The following STX12 variants were observed in gnomAD, a reference collection of about 807,000 sequenced individuals.
The protein encoded by STX12 is syntaxin-12.
Under a neutral mutation model 42.2 loss-of-function variants are expected in STX12, and 17 were observed. The ratio of observed to expected loss-of-function variants is 0.40; its 90% CI spans 0.28 to 0.60. The LOEUF (loss-of-function observed/expected upper bound fraction) is 0.60. Among genes scored for constraint, STX12 ranks in the 20% least tolerant of loss-of-function variants. The pLI is 0.39. For missense variants in STX12, 297 were observed against 330.9 expected (o/e 0.90, Z 0.79); for synonymous variants, 108 against 116.7 (o/e 0.93, Z 0.48).
chr1:27,799,819 C>T (rs1467236683), intron 3 of STX12, among the ~76,000 whole-genome samples: 1 of 152,202 alleles, frequency 6.6e-6, no homozygotes, highest in Non-Finnish European at 1.5e-5. Flanking sequence ...ATGGCACGAT[C>T]TCAGCTCACT....
At chr1:27,783,724 A>G (rs1241376072) in intron 1 of STX12, among the ~76,000 whole-genome samples, 1 of 152,190 alleles carries the variant, frequency 6.6e-6, no homozygotes, top group East Asian at 1.9e-4. Flanking sequence ...TTCTAGGATT[A>G]TGTAACATTT....
Position 27,823,321 on chromosome 1 carries a change from C to G in STX12, c.*992C>G, listed in dbSNP as rs1045572731. On this transcript the variant is annotated 3_prime_UTR_variant, in exon 9 of 9. Coordinates refer to ENST00000373943, the MANE Select transcript of STX12 (RefSeq NM_177424.3). ...TTGGTTTAAAATTATTCCTGTAAAC[C>G]AACAATAAAGCAAAGAAGAGGTTCA... The G allele has an allele frequency of 6.6e-6, 1 of 152,404 alleles. No homozygotes were observed. Among genetic ancestry groups the G allele is most frequent in the Non-Finnish European group, 1.5e-5 (1 of 67,980 alleles). 9.4% of individuals were successfully genotyped at this position (152,404 alleles called of 1,614,324 possible).
At chr1:27,812,435 T>G (rs944905102) in intron 6 of STX12, among the ~76,000 whole-genome samples, 167 bp downstream of exon 6, 4 of 137,768 alleles carry the variant, frequency 2.9e-5, no homozygotes, top group East Asian at 2.1e-4. Context: ...GAACTACCGG[T>G]TTTTTTTGTT....
intron 4 of STX12, among the ~76,000 whole-genome samples, chr1:27,802,638 G>T (rs1352822017): frequency 6.6e-6 from 1 of 152,146 alleles, no homozygotes; most frequent in East Asian, 1.9e-4. Context: ...CTATGTGTGG[G>T]ATAGAAGCAA....
chr1:27,773,608 G>A (rs1380733173), intron 1 of STX12, among the ~76,000 whole-genome samples, 183 bp downstream of exon 1: 1 of 152,172 alleles, frequency 6.6e-6, no homozygotes, highest in East Asian at 1.9e-4. Flanking sequence ...TTGCCCGAGG[G>A]TCCCCGGCCC....
chr1:27,789,674 T>C lies in STX12; in HGVS notation c.188+43T>C, dbSNP rs778128220. 4.7e-6 allele frequency: 7 copies of C among 1,482,464 alleles called. No individual in the cohort carries two copies. In the South Asian group the frequency reaches 8.0e-5, roughly 17 times the overall value. 91.8% of individuals were successfully genotyped at this position (1,482,464 alleles called of 1,614,324 possible). A position where few individuals can be genotyped will look rare whatever the true frequency, so the allele number is the denominator to read the frequency against. Reference sequence around the variant, plus strand: ...AAGGTTGGGTTTTGTGAGGGCCATTTGAGGACACAGTGTCCTTGCCAGACA... The same window carrying C: ...AAGGTTGGGTTTTGTGAGGGCCATTCGAGGACACAGTGTCCTTGCCAGACA... On this transcript the variant is annotated intron_variant, in intron 2 of 8. Coordinates refer to ENST00000373943, the MANE Select transcript of STX12 (RefSeq NM_177424.3).
chr1:27,776,578 A>G (rs1354130957), intron 1 of STX12, among the ~76,000 whole-genome samples: 1 of 152,078 alleles, frequency 6.6e-6, no homozygotes, highest in African/African-American at 2.4e-5. Context: ...TTAGCCAGAC[A>G]TGGTAGCATG....
chr1:27,805,074 G>GT (rs979997425), intron 4 of STX12, among the ~76,000 whole-genome samples: 14 of 152,156 alleles, frequency 9.2e-5, no homozygotes, highest in Admixed American at 4.6e-4. Flanking sequence ...GAACAACAAG[G>GT]GGAAAACTGT....
At chr1:27,798,890 G>A (rs2088806684) in intron 3 of STX12, among the ~76,000 whole-genome samples, 1 of 150,258 alleles carries the variant, frequency 6.7e-6, no homozygotes, top group Non-Finnish European at 1.5e-5. Context: ...GGAGGTTGGG[G>A]CTGCAGTGAG....
At chr1:27,811,466 T>C (rs138706182) in intron 5 of STX12, among the ~76,000 whole-genome samples, 312 of 152,236 alleles carry the variant, frequency 2.0e-3, no homozygotes, top group African/African-American at 6.8e-3. Flanking sequence ...AAAAGTGTTA[T>C]AACATTTCAC....
At chr1:27,809,989 C>T in intron 4 of STX12, 1 of 312,764 alleles carries the variant, frequency 3.2e-6, no homozygotes, top group Non-Finnish European at 5.8e-6. Flanking sequence ...TATTTTTAGC[C>T]CTTTCTCCTA....
chr1:27,775,165 A>G (rs991766099), intron 1 of STX12, among the ~76,000 whole-genome samples: 1 of 152,226 alleles, frequency 6.6e-6, no homozygotes, highest in African/African-American at 2.4e-5. Flanking sequence ...TCTATTTGCG[A>G]AATATTCATT....
At chr1:27,789,683 A>C (rs749301314) in intron 2 of STX12, 52 bp downstream of exon 2, 1 of 1,390,922 alleles carries the variant, frequency 7.2e-7, no homozygotes, top group Non-Finnish European at 1.0e-6. Context: ...TTGAGGACAC[A>C]GTGTCCTTGC....
chr1:27,808,311 T>TTTTATTTATTTATTTA (rs34435449), intron 4 of STX12, among the ~76,000 whole-genome samples: 7 of 144,236 alleles, frequency 4.9e-5, no homozygotes, highest in East Asian at 2.0e-4. Flanking sequence ...TTGCTTTGTT[T>TTTTATTTATTTATTTA]TTTATTTATT....
intron 1 of STX12, among the ~76,000 whole-genome samples, chr1:27,785,776 CAATT>C (rs551116501): frequency 6.6e-6 from 1 of 152,134 alleles, no homozygotes; most frequent in Non-Finnish European, 1.5e-5. Context: ...GAGGCTAACT[CAATT>C]AATCAGTAAT....
At chr1:27,799,559 T>G (rs866724460) in intron 3 of STX12, among the ~76,000 whole-genome samples, 19 of 150,648 alleles carry the variant, frequency 1.3e-4, no homozygotes, top group Admixed American at 1.3e-4. Context: ...CTCAGCTCAC[T>G]GCAACCTCCA....
At chr1:27,807,693 C>G (rs1183574891) in intron 4 of STX12, among the ~76,000 whole-genome samples, 2 of 152,252 alleles carry the variant, frequency 1.3e-5, no homozygotes, top group East Asian at 1.9e-4. Flanking sequence ...CAATTCTACC[C>G]TAGAGAAACC....
chr1:27,792,248 A>ATATATGTAGATACATATATATGTATC (rs2088751850), intron 2 of STX12, among the ~76,000 whole-genome samples: 2 of 129,538 alleles, frequency 1.5e-5, no homozygotes, highest in Non-Finnish European at 3.1e-5. Context: ...ATGTATCTAT[A>ATATATGTAGATACATATATATGTATC]TATATGTAGA....
Position 27,824,135 on chromosome 1 carries a change from C to G in STX12, c.*1806C>G, listed in dbSNP as rs1323417842. 1 of 151,914 alleles carries G rather than the reference C, an allele frequency of 6.6e-6. No homozygotes were observed. Among genetic ancestry groups the G allele is most frequent in the Non-Finnish European group, 1.5e-5 (1 of 67,978 alleles). 9.4% of individuals were successfully genotyped at this position (151,914 alleles called of 1,614,324 possible). Reference sequence around the variant, plus strand: ...AGAGCTGTTGGGGTGGCACAGTGGCCCAAAGAGCAGCTTCAGAGATAATTC... The same window carrying G: ...AGAGCTGTTGGGGTGGCACAGTGGCGCAAAGAGCAGCTTCAGAGATAATTC... On this transcript the variant is annotated 3_prime_UTR_variant, in exon 9 of 9. Coordinates refer to ENST00000373943, the MANE Select transcript of STX12 (RefSeq NM_177424.3).
Sources: gnomAD v4.1 joint callset for allele counts (sites outside exome capture counted in the v4.1 genomes callset) on GRCh38, gnomAD v4.1.1 for gene constraint, MANE v1.5 for transcripts, NCBI Gene and HGNC (gene_info 2026-07-23, HGNC 2026-07-21) for gene names.